The following RXRG variants were observed in gnomAD, a reference collection of about 807,000 sequenced individuals.
RXRG encodes retinoic acid receptor RXR-gamma.
In RXRG, 19 loss-of-function variants were observed where a neutral mutation model predicts 49.2. The ratio of observed to expected loss-of-function variants is 0.39; its 90% confidence interval spans 0.27 to 0.57. The LOEUF is 0.57. Among genes scored for constraint, RXRG ranks in the 20% least tolerant of loss-of-function variants. The pLI is 0.64. For missense variants in RXRG, 452 were observed against 592.5 expected, an observed-to-expected ratio of 0.76 and a Z score of 2.46; for synonymous variants, 224 against 216.6, an observed-to-expected ratio of 1.03 and a Z score of -0.30.
At chr1:165,428,172 A>G (rs1658550580) in intron 2 of RXRG, among the ~76,000 whole-genome samples, 1 of 152,198 alleles carries the variant, frequency 6.6e-6, no homozygotes, top group Admixed American at 6.5e-5. Flanking sequence ...CCATCATAGC[A>G]GAAGGCACTC....
In RXRG at chr1:165,417,080, G is replaced by A; in HGVS notation, c.583C>T (p.Arg195Cys). ...CCCATGACAAGGCACTTCTGATAGCGACAGTACTGGCAGCGGTTGCGCTGA... is the reference window on the plus strand; with the variant it reads ...CCCATGACAAGGCACTTCTGATAGCAACAGTACTGGCAGCGGTTGCGCTGA... ...KRQRNRCQYCRYQKCLVMGMK... is the reference protein window; with the variant it reads ...KRQRNRCQYCCYQKCLVMGMK... The change falls in exon 4 of 10, where the codon CGC becomes TGC. Residue 195 changes from arginine (R) to cysteine (C), a missense_variant. This residue lies in a region of RXRG where 286 missense variants were observed against 440.9 expected (regional missense o/e 0.65). Coordinates refer to ENST00000359842, the MANE Select transcript of RXRG (RefSeq NM_006917.5). The A allele has an allele frequency of 1.2e-6, 2 of 1,614,120 alleles. No individual in the cohort carries two copies. The highest frequency in any genetic ancestry group is 1.1e-5 in the South Asian group (1 of 91,078).
At chr1:165,412,278 C>T (rs757709911) in intron 4 of RXRG, among the ~76,000 whole-genome samples, 53 of 152,060 alleles carry the variant, frequency 3.5e-4, no homozygotes, top group Non-Finnish European at 6.8e-4. Flanking sequence ...AGTGGAGATA[C>T]GCCAAAAAGC....
intron 7 of RXRG, among the ~76,000 whole-genome samples, 194 bp downstream of exon 7, chr1:165,409,364 A>G (rs1388606760): frequency 6.6e-6 from 1 of 152,100 alleles, no homozygotes; most frequent in Non-Finnish European, 1.5e-5. Flanking sequence ...CCCCAGGTTT[A>G]TAGTTTCATG....
intron 4 of RXRG, among the ~76,000 whole-genome samples, chr1:165,414,065 T>C (rs1006333315): frequency 3.9e-5 from 6 of 152,182 alleles, no homozygotes; most frequent in African/African-American, 1.4e-4. Flanking sequence ...AGACCAGAAA[T>C]GATGGCGGTG....
At chr1:165,442,161 G>T (rs868114436) in intron 1 of RXRG, among the ~76,000 whole-genome samples, 1 of 152,188 alleles carries the variant, frequency 6.6e-6, no homozygotes, top group Non-Finnish European at 1.5e-5. Flanking sequence ...CTGCACTGTG[G>T]CAGGGGAGGT....
At chr1:165,417,003 C>T (rs960150329) in intron 4 of RXRG, 38 bp downstream of exon 4, 4 of 1,579,496 alleles carry the variant, frequency 2.5e-6, no homozygotes, top group Non-Finnish European at 3.5e-6. Context: ...GGAAATGCCT[C>T]TCTCCGGACA....
chr1:165,401,891 C>A (rs1019553678), intron 9 of RXRG, among the ~76,000 whole-genome samples: 1 of 152,168 alleles, frequency 6.6e-6, no homozygotes, highest in Admixed American at 6.5e-5. Flanking sequence ...ATCATGCCAT[C>A]AATTTGCTTT....
chr1:165,404,911 A>G (rs1447162332), intron 9 of RXRG, among the ~76,000 whole-genome samples: 2 of 152,210 alleles, frequency 1.3e-5, no homozygotes, highest in Middle Eastern at 6.8e-3. Context: ...AGCTCATGCC[A>G]CCACACCTGG....
Position 165,401,243 on chromosome 1 carries a change from G to T in RXRG, c.*20C>A, listed in dbSNP as rs201230670. The T allele has an allele frequency of 2.5e-6, 4 of 1,613,472 alleles. No individual in the cohort carries two copies. The African/African-American group carries it at 5.3e-5, about 22-fold the overall frequency. On this transcript the variant is annotated 3_prime_UTR_variant, in exon 10 of 10. Coordinates refer to ENST00000359842, the MANE Select transcript of RXRG (RefSeq NM_006917.5). ...CTGCCCAGGGGTCATCCTGGGTGGG[G>T]AGGCTGTGGCTGGTGGGGCTCAGGT... is the stretch of plus-strand genomic sequence containing the variant.
chr1:165,409,516 CACACAT>C lies in RXRG; in HGVS notation c.1046+36_1046+41del, dbSNP rs750823628. The stretch of plus-strand genomic sequence containing the variant: ...ATACACACACACACACACACACACA[CACACAT>C]AATACACACAAATACTGGAAGCAGG... On this transcript the variant is annotated intron_variant, in intron 7 of 9. Coordinates refer to ENST00000359842, the MANE Select transcript of RXRG (RefSeq NM_006917.5). 7.2e-6 allele frequency: 10 copies of C among 1,395,828 alleles called. No homozygotes were observed. In the African/African-American group the frequency reaches 1.0e-4, roughly 15 times the overall value. 86.5% of individuals were successfully genotyped at this position (1,395,828 alleles called of 1,614,324 possible).
At chr1:165,422,796 A>G (rs1266444265) in intron 2 of RXRG, among the ~76,000 whole-genome samples, 1 of 152,198 alleles carries the variant, frequency 6.6e-6, no homozygotes, top group East Asian at 1.9e-4. Flanking sequence ...ATTAGAGGAG[A>G]CATCCAAGGT....
chr1:165,404,366 A>G (rs74121138), intron 9 of RXRG, among the ~76,000 whole-genome samples: 1 of 152,188 alleles, frequency 6.6e-6, no homozygotes, highest in East Asian at 1.9e-4. Flanking sequence ...CTCTCCCCAG[A>G]GTGTGGAGGC....
At chr1:165,416,372 C>T (rs1205452798) in intron 4 of RXRG, among the ~76,000 whole-genome samples, 1 of 152,084 alleles carries the variant, frequency 6.6e-6, no homozygotes, top group South Asian at 2.1e-4. Flanking sequence ...TTCTCTCATA[C>T]TAGAATACCC....
At chr1:165,417,276 C>G in intron 3 of RXRG, 56 bp from the exon 4 acceptor site, 1 of 1,493,118 alleles carries the variant, frequency 6.7e-7, no homozygotes. Context: ...TTGGATCTTT[C>G]ATTCAAAAGA....
At chr1:165,408,165 C>G in intron 8 of RXRG, 62 bp downstream of exon 8, 31 of 1,252,048 alleles carry the variant, frequency 2.5e-5, no homozygotes, top group Non-Finnish European at 3.6e-5. Flanking sequence ...CATGGGAGCA[C>G]TGGAGGTTGA....
chr1:165,407,266 G>A (rs767349473), intron 8 of RXRG, among the ~76,000 whole-genome samples: 28 of 152,302 alleles, frequency 1.8e-4, no homozygotes, highest in South Asian at 1.2e-3. Flanking sequence ...GATGGGGCAC[G>A]AAAGCTGAAT....
intron 1 of RXRG, among the ~76,000 whole-genome samples, chr1:165,434,268 T>TTGCGTGTGTG (rs1658761459): frequency 1.4e-5 from 1 of 73,304 alleles, no homozygotes; most frequent in African/African-American, 6.0e-5. Flanking sequence ...AAACAATGAA[T>TTGCGTGTGTG]TGCATGTGTG....
chr1:165,443,544 G>A (rs1019431608), intron 1 of RXRG, among the ~76,000 whole-genome samples: 5 of 152,092 alleles, frequency 3.3e-5, no homozygotes, highest in East Asian at 1.9e-4. Flanking sequence ...TACAACCTAC[G>A]TTTGCTATTA....
chr1:165,417,291 C>T (rs1425450666), intron 3 of RXRG, 71 bp from the exon 4 acceptor site: 1 of 1,399,350 alleles, frequency 7.1e-7, no homozygotes, highest in Non-Finnish European at 9.8e-7. Flanking sequence ...AAAAGAACCT[C>T]TTGGCTCTTC....
Sources: gnomAD v4.1 joint callset for allele counts (sites outside exome capture counted in the v4.1 genomes callset) on GRCh38, gnomAD v4.1.1 for gene constraint, gnomAD v4.1.1 regional missense constraint, MANE v1.5 for transcripts, NCBI Gene and HGNC (gene_info 2026-07-23, HGNC 2026-07-21) for gene names.